AP3B1: variants seen among roughly 807,000 people sequenced by gnomAD.
AP3B1 encodes AP-3 complex subunit beta-1.
AP3B1 carries 61 observed loss-of-function variants against 132.5 expected under a neutral mutation model. The observed-to-expected ratio is 0.46, with a 90% CI of 0.37 to 0.57. AP3B1 has a LOEUF of 0.57. AP3B1 is among the 20% of genes least tolerant of loss of function. The pLI, the probability that AP3B1 is intolerant of heterozygous loss-of-function variation, is 0.00. For missense variants in AP3B1, 1,120 were observed against 1,289.4 expected, an observed-to-expected ratio of 0.87 and a Z score of 2.01; for synonymous variants, 388 against 438.3, an observed-to-expected ratio of 0.89 and a Z score of 1.43.
At chr5:78,287,776 C>A (rs1421939225) in intron 1 of AP3B1, among the ~76,000 whole-genome samples, 1 of 149,904 alleles carries the variant, frequency 6.7e-6, no homozygotes, top group Non-Finnish European at 1.5e-5. Flanking sequence ...AAAGTAGGAT[C>A]CAGTTTACAT....
chr5:78,287,717 C>T (rs191564097), intron 1 of AP3B1, among the ~76,000 whole-genome samples: 200 of 141,330 alleles, frequency 1.4e-3, no homozygotes, highest in African/African-American at 4.8e-3. Flanking sequence ...CAATAAAATA[C>T]TAAAATTTCC....
intron 2 of AP3B1, among the ~76,000 whole-genome samples, chr5:78,245,690 C>T (rs1299693702): frequency 6.6e-6 from 1 of 152,164 alleles, no homozygotes; most frequent in Non-Finnish European, 1.5e-5. Context: ...ACTTCTCCCA[C>T]CCTCTCTCCC....
intron 13 of AP3B1, among the ~76,000 whole-genome samples, chr5:78,158,376 G>A (rs1743242416): frequency 6.6e-6 from 1 of 151,930 alleles, no homozygotes; most frequent in African/African-American, 2.4e-5. Flanking sequence ...AGAATCACCT[G>A]GGCCAAGGAA....
At chr5:78,150,961 C>T (rs1326688890) in intron 14 of AP3B1, among the ~76,000 whole-genome samples, 1 of 152,042 alleles carries the variant, frequency 6.6e-6, no homozygotes, top group East Asian at 1.9e-4. Flanking sequence ...CTCTGTCACC[C>T]AGACTGGAGT....
chr5:78,225,499 A>G (rs1317260177), intron 6 of AP3B1, 43 bp downstream of exon 6: 1 of 1,105,988 alleles, frequency 9.0e-7, no homozygotes, highest in East Asian at 2.4e-5. Flanking sequence ...CTATGTAAAT[A>G]AAGTACATTT....
At chr5:78,277,700 C>T (rs1370140529) in intron 1 of AP3B1, among the ~76,000 whole-genome samples, 2 of 152,038 alleles carry the variant, frequency 1.3e-5, no homozygotes, top group Admixed American at 6.6e-5. Context: ...CATTCCTTAC[C>T]GGTCCATAAC....
rs534768828 is a variant in AP3B1 at position 78,011,496 on chromosome 5, T to C, written c.3131+3914A>G. Among the ~76,000 whole-genome samples, 160 of 152,348 alleles carry C rather than the reference T, an allele frequency of 1.1e-3. 1 individual carries two copies. Among genetic ancestry groups the C allele is most frequent in the South Asian group, 7.7e-3 (37 of 4,828 alleles). On this transcript the variant is annotated intron_variant, in intron 26 of 26. Transcript: ENST00000255194. ...TTTAGAAAATTACAACTAAAAATCA[T>C]ATAATCTAACAGTAGAGCTGCTTTC...
At chr5:78,149,877 G>T (rs1004885712) in intron 14 of AP3B1, among the ~76,000 whole-genome samples, 1 of 151,524 alleles carries the variant, frequency 6.6e-6, no homozygotes, top group Non-Finnish European at 1.5e-5. Context: ...GTAACTCTCC[G>T]CTGAGAGATG....
At chr5:78,248,492 C>CAA (rs34983157) in intron 2 of AP3B1, among the ~76,000 whole-genome samples, 162 of 71,334 alleles carry the variant, frequency 2.3e-3, no homozygotes, top group African/African-American at 6.8e-3. Context: ...GACTCTGTCT[C>CAA]AAAAAAAAAA....
chr5:78,003,118 A>C (rs758664475), intron 26 of AP3B1, 63 bp from the exon 27 acceptor site: 2 of 1,546,396 alleles, frequency 1.3e-6, no homozygotes, highest in South Asian at 1.1e-5. Flanking sequence ...GATAGCATAC[A>C]TTCAAATAGG....
intron 15 of AP3B1, among the ~76,000 whole-genome samples, chr5:78,134,919 C>A (rs1752847677): frequency 6.6e-6 from 1 of 152,176 alleles, no homozygotes; most frequent in Non-Finnish European, 1.5e-5. Context: ...TTAATAGTAT[C>A]TACCTTTTTG....
intron 26 of AP3B1, among the ~76,000 whole-genome samples, chr5:78,007,441 T>G (rs1442069277): frequency 1.3e-5 from 2 of 152,164 alleles, no homozygotes; most frequent in African/African-American, 4.8e-5. Flanking sequence ...AAAACTTTTT[T>G]TTTTTTGTAC....
intron 1 of AP3B1, among the ~76,000 whole-genome samples, chr5:78,284,438 C>T (rs1749187275): frequency 6.6e-6 from 1 of 152,178 alleles, no homozygotes; most frequent in Middle Eastern, 3.2e-3. Context: ...GAGCTAGCTA[C>T]ATAACCTCAT....
At chr5:78,051,432 GATT>G (rs1326514950) in intron 22 of AP3B1, among the ~76,000 whole-genome samples, 1 of 151,390 alleles carries the variant, frequency 6.6e-6, no homozygotes, top group Non-Finnish European at 1.5e-5. Context: ...TTTTTTTTGA[GATT>G]ATTAAGATTA....
rs1200832410 is a variant in AP3B1, at chr5:78,056,957, T to C, written c.2578-17683A>G. ...ATGGCAGCATTTGTTGGATGGAGAA[T>C]GATGCATTGCTTTTAAAAAGGTCGG... On this transcript the variant is annotated intron_variant, in intron 22 of 26. Coordinates refer to ENST00000255194, the MANE Select transcript of AP3B1 (RefSeq NM_003664.5). Among the ~76,000 whole-genome samples the C allele has an allele frequency of 2.0e-5, 3 of 152,226 alleles. No individual in the cohort carries two copies. In the East Asian group the frequency reaches 5.8e-4, roughly 29 times the overall value.
intron 17 of AP3B1, among the ~76,000 whole-genome samples, chr5:78,123,091 C>T (rs867499517): frequency 0.015 from 2,320 of 152,164 alleles, 24 homozygotes; most frequent in Middle Eastern, 0.044. Context: ...AAACAAGCAA[C>T]GGGGAAAGGA....
intron 22 of AP3B1, among the ~76,000 whole-genome samples, chr5:78,083,388 C>A (rs957705973): frequency 6.6e-6 from 1 of 152,198 alleles, no homozygotes; most frequent in African/African-American, 2.4e-5. Context: ...AAGTTTCACT[C>A]AACATTTCTA....
chr5:78,024,414 G>T (rs757064000), intron 24 of AP3B1, among the ~76,000 whole-genome samples: 60 of 151,864 alleles, frequency 4.0e-4, no homozygotes, highest in African/African-American at 1.5e-3. Flanking sequence ...TGGGAGACAG[G>T]GTCTCAGCTC....
At chr5:78,224,615 C>T (rs1254606658) in intron 6 of AP3B1, among the ~76,000 whole-genome samples, 1 of 151,436 alleles carries the variant, frequency 6.6e-6, no homozygotes, top group Non-Finnish European at 1.5e-5. Flanking sequence ...TGGAGACATA[C>T]AATAGATGCA....
Sources: gnomAD v4.1 joint callset for allele counts (sites outside exome capture counted in the v4.1 genomes callset) on GRCh38, gnomAD v4.1.1 for gene constraint, MANE v1.5 for transcripts, NCBI Gene and HGNC (gene_info 2026-07-23, HGNC 2026-07-21) for gene names.